HYDIN: variants seen among roughly 807,000 people sequenced by gnomAD.
HYDIN encodes the protein axonemal central pair apparatus protein HYDIN.
Under a neutral mutation model 403.9 loss-of-function variants are expected in HYDIN, and 132 were observed. The observed-to-expected ratio is 0.33, with a 90% CI of 0.28 to 0.38. The LOEUF is 0.38. HYDIN is among the 10% of genes least tolerant of loss of function. The pLI, the probability that HYDIN is intolerant of heterozygous loss-of-function variation, is 1.00. For missense variants in HYDIN, 2,827 were observed against 5,009.5 expected (o/e 0.56, Z 13.15); for synonymous variants, 1,202 against 1,891.7 (o/e 0.64, Z 9.46).
At chr16:71,070,112 A>G (rs1162988297) in intron 13 of HYDIN, among the ~76,000 whole-genome samples, 2 of 152,054 alleles carry the variant, frequency 1.3e-5, no homozygotes, top group African/African-American at 4.8e-5. Context: ...AGAGACTAAC[A>G]CCTGGCTTTT....
intron 65 of HYDIN, among the ~76,000 whole-genome samples, chr16:70,869,921 T>C (rs1403671750): frequency 6.7e-6 from 1 of 150,198 alleles, no homozygotes; most frequent in Non-Finnish European, 1.5e-5. Flanking sequence ...ACTTGTTGAA[T>C]GGCTTTGACC....
chr16:71,077,907 G>T (rs377419215), intron 13 of HYDIN, among the ~76,000 whole-genome samples: 1 of 151,916 alleles, frequency 6.6e-6, no homozygotes, highest in Non-Finnish European at 1.5e-5. Context: ...TTCTCATTAT[G>T]AATGAGTGTT....
At chr16:71,190,777 C>T (rs1319457175) in intron 1 of HYDIN, among the ~76,000 whole-genome samples, 1 of 152,140 alleles carries the variant, frequency 6.6e-6, no homozygotes, top group Non-Finnish European at 1.5e-5. Flanking sequence ...CCTGATGTGA[C>T]GCAGTACACA....
chr16:71,197,303 ATT>A (rs2087745822), intron 1 of HYDIN, among the ~76,000 whole-genome samples: 1 of 152,210 alleles, frequency 6.6e-6, no homozygotes, highest in Admixed American at 6.5e-5. Context: ...ATAAAAACAT[ATT>A]GTTTTTGAGG....
intron 1 of HYDIN, among the ~76,000 whole-genome samples, chr16:71,229,727 A>G (rs1193014758): frequency 6.6e-6 from 1 of 152,188 alleles, no homozygotes; most frequent in Non-Finnish European, 1.5e-5. Context: ...ATTAGTTGCT[A>G]TGGGCTGGAA....
intron 41 of HYDIN, among the ~76,000 whole-genome samples, chr16:70,945,005 G>A (rs1163902724): frequency 7.2e-5 from 11 of 152,186 alleles, no homozygotes; most frequent in Non-Finnish European, 1.6e-4. Context: ...TGCCTGCCTC[G>A]GCCTCCCAAA....
At chr16:70,970,840 A>G (rs1307067069) in intron 35 of HYDIN, 81 bp from the exon 36 acceptor site, 3 of 1,362,898 alleles carry the variant, frequency 2.2e-6, no homozygotes, top group African/African-American at 2.9e-5. Flanking sequence ...CTGAGGGGAA[A>G]AAACTTATCT....
chr16:70,826,588 A>T (rs1487963551), intron 83 of HYDIN, among the ~76,000 whole-genome samples: 1 of 150,958 alleles, frequency 6.6e-6, no homozygotes, highest in Non-Finnish European at 1.5e-5. Flanking sequence ...TCTTGTTTTG[A>T]GGTTCTCTTA....
At position 71,098,199 on chromosome 16, in the gene HYDIN, C is replaced by CTT. The variant is rs1293436490; in HGVS notation, c.1328-4266_1328-4265dup. Among the ~76,000 whole-genome samples, 218 of 133,056 alleles carry CTT rather than the reference C, an allele frequency of 1.6e-3. 8 individuals carry two copies. Among genetic ancestry groups the CTT allele is most frequent in the African/African-American group, 2.9e-3 (104 of 35,466 alleles). The allele number at this position is 133,056 out of a possible 152,430, so 87.3% of individuals were successfully genotyped here. A position where few individuals can be genotyped will look rare whatever the true frequency, so the allele number is the denominator to read the frequency against. On this transcript the variant is annotated intron_variant, in intron 10 of 85. Coordinates refer to ENST00000393567, the MANE Select transcript of HYDIN (RefSeq NM_001270974.2). ...TACTCTAAACTATAGATAAAACTTT[C>CTT]TTTCTTTTTTTTTTTTTTTTGAGAT...
chr16:71,189,533 C>A (rs556352727), intron 1 of HYDIN, among the ~76,000 whole-genome samples: 2 of 152,068 alleles, frequency 1.3e-5, no homozygotes, highest in East Asian at 3.9e-4. Flanking sequence ...TTTGGGAGGC[C>A]GAGGCAGGCG....
At chr16:70,879,019 T>C (rs1405932858) in intron 62 of HYDIN, among the ~76,000 whole-genome samples, 1 of 150,932 alleles carries the variant, frequency 6.6e-6, no homozygotes, top group African/African-American at 2.5e-5. Context: ...AAAGAAGATA[T>C]TAAGAACACC....
At chr16:71,210,592 C>T (rs374393399) in intron 1 of HYDIN, among the ~76,000 whole-genome samples, 3 of 151,852 alleles carry the variant, frequency 2.0e-5, no homozygotes, top group East Asian at 1.9e-4. Context: ...ATAATCTGTA[C>T]ATTCAACCCC....
intron 83 of HYDIN, among the ~76,000 whole-genome samples, chr16:70,825,974 CA>C (rs1161845007): frequency 9.4e-6 from 1 of 106,022 alleles, no homozygotes; most frequent in African/African-American, 4.3e-5. Context: ...CTTACCAGTT[CA>C]TCGAAATTTG....
intron 5 of HYDIN, among the ~76,000 whole-genome samples, chr16:71,174,174 T>C (rs1182874063): frequency 6.6e-6 from 1 of 152,196 alleles, no homozygotes; most frequent in African/African-American, 2.4e-5. Context: ...ACCTAACATA[T>C]AAATGGTAAT....
At chr16:71,124,380 G>T (rs1338926052) in intron 9 of HYDIN, among the ~76,000 whole-genome samples, 2 of 152,256 alleles carry the variant, frequency 1.3e-5, no homozygotes, top group Non-Finnish European at 2.9e-5. Context: ...CTGTTCACAA[G>T]ATTTTATTTA....
intron 10 of HYDIN, among the ~76,000 whole-genome samples, chr16:71,102,265 G>C (rs1256624086): frequency 1.3e-5 from 2 of 151,844 alleles, no homozygotes; most frequent in Non-Finnish European, 1.5e-5. Context: ...CTTAACGTGG[G>C]TGACAGGTTC....
At chr16:71,219,202 A>C (rs566173204) in intron 1 of HYDIN, among the ~76,000 whole-genome samples, 1 of 152,320 alleles carries the variant, frequency 6.6e-6, no homozygotes, top group Admixed American at 6.5e-5. Context: ...ATAGCAGTTT[A>C]AAGAAATAAA....
chr16:71,219,653 T>C (rs542840597), intron 1 of HYDIN, among the ~76,000 whole-genome samples: 9 of 152,192 alleles, frequency 5.9e-5, no homozygotes, highest in African/African-American at 2.2e-4. Flanking sequence ...AAAAATCAGA[T>C]AACTAAAACA....
chr16:71,055,154 C>T (rs2081836824), intron 18 of HYDIN, among the ~76,000 whole-genome samples: 1 of 152,292 alleles, frequency 6.6e-6, no homozygotes, highest in African/African-American at 2.4e-5. Context: ...TTCATAAGCA[C>T]TGCTGGGGTA....
Sources: allele counts gnomAD v4.1 joint callset (sites outside exome capture counted in the v4.1 genomes callset), GRCh38; gene constraint gnomAD v4.1.1; transcripts MANE v1.5; gene names NCBI Gene and HGNC (gene_info 2026-07-23, HGNC 2026-07-21).